The following EED variants were observed in gnomAD, a reference collection of about 807,000 sequenced individuals.
EED encodes embryonic ectoderm development, also known as polycomb protein EED.
Under a neutral mutation model 61.0 loss-of-function variants are expected in EED, and 9 were observed. That is an observed-to-expected ratio of 0.15 (90% CI 0.09 to 0.26). EED has a LOEUF of 0.26. Ranked by LOEUF, EED falls within the 10% of genes least tolerant of loss-of-function variation. The probability of loss-of-function intolerance (pLI) is 1.00; values close to 1 mark genes in which losing one functional copy is unlikely to be tolerated. For synonymous variants in EED, 187 were observed against 174.4 expected (o/e 1.07, Z -0.57); for missense variants, 315 against 542.3 (o/e 0.58, Z 4.16).
At chr11:86,253,643 T>C (rs12225782) in intron 3 of EED, among the ~76,000 whole-genome samples, 44,375 of 152,002 alleles carry the variant, frequency 0.29, 6,840 homozygotes, top group Non-Finnish European at 0.36. Flanking sequence ...AACATTAACA[T>C]AGAGGAGATA....
chr11:86,248,548 T>C (rs1233203919), intron 1 of EED, among the ~76,000 whole-genome samples: 10 of 152,184 alleles, frequency 6.6e-5, no homozygotes, highest in African/African-American at 2.2e-4. Flanking sequence ...TGTTATACAG[T>C]AATGGTTAAC....
intron 6 of EED, among the ~76,000 whole-genome samples, chr11:86,262,767 C>A (rs1379074722): frequency 6.6e-6 from 1 of 151,688 alleles, no homozygotes; most frequent in African/African-American, 2.4e-5. Flanking sequence ...ACCTCAGCCT[C>A]CCATGCTGCT....
At chr11:86,283,551 C>T (rs1450279880), downstream of EED, among the ~76,000 whole-genome samples, 1 of 152,124 alleles carries the variant, frequency 6.6e-6, no homozygotes, top group Non-Finnish European at 1.5e-5. Flanking sequence ...TTTCATGTAA[C>T]AGGGGTCAGA....
Position 86,270,213 on chromosome 11 carries a change from T to C in EED, c.966+1652T>C, listed in dbSNP as rs1376947161. On this transcript the variant is annotated intron_variant, in intron 9 of 11. Transcript: ENST00000263360. ...CTGATAGGTGTGTAGTGATATCTCA[T>C]CGTGGTCTTAATTTGCATTTCCCTG... is the stretch of plus-strand genomic sequence containing the variant. The C allele has an allele frequency of 2.4e-5, 15 of 631,398 alleles. No individual in the cohort carries two copies. In the East Asian group the frequency reaches 4.1e-4, roughly 17 times the overall value. 39.1% of individuals were successfully genotyped at this position (631,398 alleles called of 1,614,324 possible).
In EED at chr11:86,278,544, A is replaced by G. The variant is rs779939401; in HGVS notation, c.*19A>G. 8.7e-6 allele frequency: 14 copies of G among 1,611,562 alleles called. No homozygotes were observed. Among genetic ancestry groups the G allele is most frequent in the Non-Finnish European group, 1.2e-5 (14 of 1,178,846 alleles). On this transcript the variant is annotated 3_prime_UTR_variant, in exon 12 of 12. Coordinates refer to ENST00000263360, the MANE Select transcript of EED (RefSeq NM_003797.5). ...TCGATAAAATACTTTTGCCTAATCAAAATTAGAGTGTGTTTGTTGTCTGTG... is the reference window on the plus strand; with the variant it reads ...TCGATAAAATACTTTTGCCTAATCAGAATTAGAGTGTGTTTGTTGTCTGTG...
intron 9 of EED, chr11:86,270,219 T>C: frequency 1.6e-6 from 1 of 615,406 alleles, no homozygotes; most frequent in Non-Finnish European, 3.0e-6. Flanking sequence ...CTCATCGTGG[T>C]CTTAATTTGC....
intron 1 of EED, among the ~76,000 whole-genome samples, chr11:86,248,675 A>C (rs1300711696): frequency 6.6e-6 from 1 of 152,106 alleles, no homozygotes; most frequent in Non-Finnish European, 1.5e-5. Context: ...GACATTTTGA[A>C]CCTCTACTGT....
intron 2 of EED, 148 bp downstream of exon 2, chr11:86,250,596 C>G (rs1945507270): frequency 2.2e-6 from 2 of 916,664 alleles, no homozygotes; most frequent in Non-Finnish European, 3.0e-6. Flanking sequence ...TTTTGTAGTT[C>G]AGACTGCGTA....
chr11:86,267,705 A>C (rs1298524878), intron 8 of EED, among the ~76,000 whole-genome samples: 1 of 150,342 alleles, frequency 6.7e-6, no homozygotes, highest in Non-Finnish European at 1.5e-5. Context: ...GGTTCAAGCG[A>C]TTCTCCTGCC....
intron 4 of EED, among the ~76,000 whole-genome samples, chr11:86,255,869 A>G (rs2138156320): frequency 6.6e-6 from 1 of 152,362 alleles, no homozygotes; most frequent in Non-Finnish European, 1.5e-5. Flanking sequence ...TTCCAGATCC[A>G]TTTGAAAAAC....
intron 8 of EED, among the ~76,000 whole-genome samples, chr11:86,267,055 T>G (rs1190795140): frequency 2.0e-5 from 3 of 152,200 alleles, no homozygotes; most frequent in Non-Finnish European, 4.4e-5. Flanking sequence ...CACCAGGAGC[T>G]AGTAGGACAA....
rs764273206 is a variant in EED, at chr11:86,265,262, G to C, written c.727-821G>C. 1.7e-4 allele frequency: 26 copies of C among 152,258 alleles called. 1 individual carries two copies. The highest frequency in any genetic ancestry group is 4.8e-4 in the African/African-American group (20 of 41,572). The allele number at this position is 152,258 out of a possible 1,614,324, so 9.4% of individuals were successfully genotyped here. A position where few individuals can be genotyped will look rare whatever the true frequency, so the allele number is the denominator to read the frequency against. On this transcript the variant is annotated intron_variant, in intron 7 of 11. Coordinates refer to ENST00000263360, the MANE Select transcript of EED (RefSeq NM_003797.5). ...AATGGTGCTCATAATTAATGCAAAG[G>C]CTGGATTAACATATAGTATCTAGGT... is the stretch of plus-strand genomic sequence containing the variant.
chr11:86,267,340 T>G (rs897966401), intron 8 of EED, among the ~76,000 whole-genome samples: 1 of 152,196 alleles, frequency 6.6e-6, no homozygotes, highest in African/African-American at 2.4e-5. Flanking sequence ...CCAAAGTGCT[T>G]TTTTACATAT....
rs1946241064 is a variant in EED, at chr11:86,276,723, A to T, written c.967-257A>T. ...GAACTTGGTTTAACTTGAAAGAGAA[A>T]TGTTGACTTCCAAAATGAATATTTC... On this transcript the variant is annotated intron_variant, in intron 9 of 11. Transcript: ENST00000263360. 3 of 270,122 alleles carry T rather than the reference A, an allele frequency of 1.1e-5. No individual in the cohort carries two copies. In the South Asian group the frequency reaches 4.4e-4, roughly 39 times the overall value. 16.7% of individuals were successfully genotyped at this position (270,122 alleles called of 1,614,324 possible). A position where few individuals can be genotyped will look rare whatever the true frequency, so the allele number is the denominator to read the frequency against.
At chr11:86,269,430 A>C (rs1177886223) in intron 9 of EED, among the ~76,000 whole-genome samples, 2 of 152,166 alleles carry the variant, frequency 1.3e-5, no homozygotes, top group Non-Finnish European at 2.9e-5. Context: ...AAATTTGGTG[A>C]AATTGCTGTC....
the EED span, among the ~76,000 whole-genome samples, chr11:86,285,166 T>C: frequency 3.3e-5 from 5 of 152,108 alleles, no homozygotes; most frequent in Non-Finnish European, 7.4e-5. Context: ...ATGCCTGTAA[T>C]CGCAGCACTT....
At chr11:86,281,755 A>G (rs1469247413), downstream of EED, among the ~76,000 whole-genome samples, 1 of 152,180 alleles carries the variant, frequency 6.6e-6, no homozygotes. Flanking sequence ...CCTGGGTCCA[A>G]GTGATCCATT....
rs1304154971 is a variant in EED at position 86,259,962 on chromosome 11, G to A, written c.634+2366G>A. Among the ~76,000 whole-genome samples, 4 of 152,138 alleles carry A rather than the reference G, an allele frequency of 2.6e-5. No homozygotes were observed. The East Asian group carries it at 5.8e-4, about 22-fold the overall frequency. ...TGGCAGTTCCTCAAAATGTTACAGA[G>A]TCACTAATCCTAGATGTTTACATAT... On this transcript the variant is annotated intron_variant, in intron 6 of 11. Transcript: ENST00000263360.
downstream of EED, among the ~76,000 whole-genome samples, chr11:86,281,721 T>C (rs924388813): frequency 1.3e-5 from 2 of 152,200 alleles, no homozygotes; most frequent in African/African-American, 2.4e-5. Flanking sequence ...GGTGCAGTTA[T>C]AGCTGTCACT....
Sources: gnomAD v4.1 joint callset for allele counts (sites outside exome capture counted in the v4.1 genomes callset) on GRCh38, gnomAD v4.1.1 for gene constraint, MANE v1.5 for transcripts, NCBI Gene and HGNC (gene_info 2026-07-23, HGNC 2026-07-21) for gene names.